SPDYA: variants seen among roughly 807,000 people sequenced by gnomAD.
SPDYA encodes speedy protein A.
SPDYA carries 11 observed loss-of-function variants against 36.7 expected under a neutral mutation model. The ratio of observed to expected loss-of-function variants is 0.30; its 90% CI spans 0.19 to 0.50. The LOEUF is 0.50. Ranked by LOEUF, SPDYA falls within the 20% of genes least tolerant of loss-of-function variation. SPDYA has a pLI of 0.98. For synonymous variants in SPDYA, 115 were observed against 118.7 expected, an observed-to-expected ratio of 0.97 and a Z score of 0.20; for missense variants, 287 against 370.9, an observed-to-expected ratio of 0.77 and a Z score of 1.86.
intron 5 of SPDYA, among the ~76,000 whole-genome samples, chr2:28,824,381 A>G (rs1192239258): frequency 6.7e-6 from 1 of 148,402 alleles, no homozygotes; most frequent in East Asian, 2.1e-4. Flanking sequence ...GGAGGCTGAG[A>G]TGAAGAGGAT....
At chr2:28,848,312 T>A (rs921952876) in intron 7 of SPDYA, among the ~76,000 whole-genome samples, 6 of 152,202 alleles carry the variant, frequency 3.9e-5, no homozygotes, top group Admixed American at 2.0e-4. Flanking sequence ...TTTCTTAGGA[T>A]ACACCAATTC....
At chr2:28,823,807 G>T (rs571531647) in intron 5 of SPDYA, among the ~76,000 whole-genome samples, 2 of 130,446 alleles carry the variant, frequency 1.5e-5, no homozygotes, top group African/African-American at 2.9e-5. Flanking sequence ...GTGCAGTGGC[G>T]TGATCTTGGC....
intron 5 of SPDYA, among the ~76,000 whole-genome samples, chr2:28,827,017 G>T (rs1173775125): frequency 7.0e-6 from 1 of 142,128 alleles, no homozygotes; most frequent in African/African-American, 2.7e-5. Context: ...TCGGCTCACT[G>T]CAAGCTCCGC....
At chr2:28,847,323 A>G (rs1668903003) in intron 7 of SPDYA, among the ~76,000 whole-genome samples, 2 of 152,126 alleles carry the variant, frequency 1.3e-5, no homozygotes, top group Non-Finnish European at 2.9e-5. Flanking sequence ...AGTCTGGGCA[A>G]CAGAGCGAGA....
chr2:28,829,447 G>A, intron 6 of SPDYA, 128 bp downstream of exon 6: 1 of 776,800 alleles, frequency 1.3e-6, no homozygotes, highest in Non-Finnish European at 2.0e-6. Flanking sequence ...ATGTGGAGTA[G>A]ACCATTGATC....
chr2:28,823,702 AATATATATATATATATATATATATATAT>A (rs1160889916), intron 5 of SPDYA, among the ~76,000 whole-genome samples: 4 of 49,228 alleles, frequency 8.1e-5, no homozygotes, highest in Non-Finnish European at 1.5e-4. Context: ...GGAATGCATG[AATATATATATATATATATATATATATAT>A]ATATATATAT....
chr2:28,825,603 A>G (rs1362180692), intron 5 of SPDYA, among the ~76,000 whole-genome samples: 1 of 152,132 alleles, frequency 6.6e-6, no homozygotes, highest in African/African-American at 2.4e-5. Context: ...CTGAACTTCT[A>G]TTATCATTCT....
intron 7 of SPDYA, among the ~76,000 whole-genome samples, chr2:28,846,306 A>C (rs1217893703): frequency 6.6e-6 from 1 of 152,060 alleles, no homozygotes; most frequent in Non-Finnish European, 1.5e-5. Flanking sequence ...TACTCCAGAG[A>C]CTGAGGCAGG....
intron 5 of SPDYA, among the ~76,000 whole-genome samples, chr2:28,824,235 T>C (rs1668257368): frequency 6.6e-6 from 1 of 151,822 alleles, no homozygotes; most frequent in African/African-American, 2.4e-5. Context: ...CCCAGCACTT[T>C]GGGAGGCTGG....
At chr2:28,817,851 CAAAAAAAAAA>C (rs70956049) in intron 3 of SPDYA, among the ~76,000 whole-genome samples, 1 of 30,666 alleles carries the variant, frequency 3.3e-5, no homozygotes. Flanking sequence ...GACTCTGTCT[CAAAAAAAAAA>C]AAAAAAAAAA....
intron 7 of SPDYA, among the ~76,000 whole-genome samples, chr2:28,846,722 T>TACACACACACACACACAC (rs58731880): frequency 4.0e-5 from 5 of 126,478 alleles, no homozygotes; most frequent in African/African-American, 1.5e-4. Context: ...AGAAGAAAAC[T>TACACACACACACACACAC]ACACACACAC....
intron 4 of SPDYA, 55 bp from the exon 5 acceptor site, chr2:28,822,270 G>A (rs1219829337): frequency 2.6e-5 from 21 of 807,552 alleles, no homozygotes; most frequent in Non-Finnish European, 4.0e-5. Flanking sequence ...TTTTAAAGCA[G>A]TTTTATTTAT....
In SPDYA at chr2:28,841,665, CTA is replaced by C. The variant is rs557080733; in HGVS notation, c.850+1197_850+1198del. On this transcript the variant is annotated intron_variant, in intron 7 of 7. Coordinates refer to ENST00000334056, the MANE Select transcript of SPDYA (RefSeq NM_182756.4). Reference sequence around the variant, plus strand: ...GCTTTACTAAAGGAGAAACTAGACTCTAAGATTCTTGAAGGTAGGGGTTATGC... The same window carrying C: ...GCTTTACTAAAGGAGAAACTAGACTCAGATTCTTGAAGGTAGGGGTTATGC... 2.0e-5 allele frequency among the ~76,000 whole-genome samples: 3 copies of C among 152,286 alleles called. No individual in the cohort carries two copies. In the East Asian group the frequency reaches 5.8e-4, roughly 29 times the overall value.
At chr2:28,826,025 C>G (rs563854235) in intron 5 of SPDYA, among the ~76,000 whole-genome samples, 1 of 152,206 alleles carries the variant, frequency 6.6e-6, no homozygotes, top group African/African-American at 2.4e-5. Context: ...GAGCTGCACA[C>G]CTGGCCTTCT....
At chr2:28,815,806 C>G (rs994973228) in intron 2 of SPDYA, among the ~76,000 whole-genome samples, 191 bp from the exon 3 acceptor site, 2 of 152,112 alleles carry the variant, frequency 1.3e-5, no homozygotes, top group East Asian at 3.8e-4. Flanking sequence ...GTTTGTTACC[C>G]AAAAGAAGCA....
intron 4 of SPDYA, 72 bp downstream of exon 4, chr2:28,819,178 C>G: frequency 8.8e-7 from 1 of 1,135,880 alleles, no homozygotes; most frequent in Non-Finnish European, 1.3e-6. Flanking sequence ...TTAATGAGAC[C>G]TTATAAGAAT....
chr2:28,829,293 A>G lies in SPDYA; in HGVS notation c.526A>G (p.Ile176Val). 6.2e-7 allele frequency: 1 copy of G among 1,612,124 alleles called. No individual in the cohort carries two copies. Among genetic ancestry groups the G allele is most frequent in the Middle Eastern group, 1.7e-4 (1 of 6,050 alleles). ...QLWDRIDYRAIVSRRCCEEVM... is the reference protein window; with the variant it reads ...QLWDRIDYRAVVSRRCCEEVM... ...CTGGGATAGAATTGACTATAGGGCTATTGTAAGCAGGCGATGTTGTGAGGA... is the reference window on the plus strand; with the variant it reads ...CTGGGATAGAATTGACTATAGGGCTGTTGTAAGCAGGCGATGTTGTGAGGA... The change falls in exon 6 of 8, where the codon ATT becomes GTT. Residue 176 changes from isoleucine to valine, a missense_variant. Ile to Val is a conservative substitution (Grantham distance 29). Transcript: ENST00000334056.
chr2:28,833,537 G>A (rs1377575390), intron 6 of SPDYA, among the ~76,000 whole-genome samples: 1 of 152,080 alleles, frequency 6.6e-6, no homozygotes, highest in African/African-American at 2.4e-5. Context: ...TCCCTCCATG[G>A]AATAGAAGTG....
chr2:28,824,588 C>T (rs1209287594), intron 5 of SPDYA, among the ~76,000 whole-genome samples: 1 of 118,762 alleles, frequency 8.4e-6, no homozygotes. Flanking sequence ...TCTCTGTTGC[C>T]CAGGCTGGAG....
Sources: allele counts gnomAD v4.1 joint callset (sites outside exome capture counted in the v4.1 genomes callset), GRCh38; gene constraint gnomAD v4.1.1; transcripts MANE v1.5; gene names NCBI Gene and HGNC (gene_info 2026-07-23, HGNC 2026-07-21).